Variants in ZFHX3 observed in about 807,000 individuals in gnomAD.
The protein encoded by ZFHX3 is zinc finger homeobox protein 3.
Under a neutral mutation model 279.1 loss-of-function variants are expected in ZFHX3, and 42 were observed. That is an observed-to-expected ratio of 0.15 (90% CI 0.12 to 0.19). ZFHX3 has a LOEUF of 0.19. ZFHX3 is among the 10% of genes least tolerant of loss of function. ZFHX3 has a pLI of 1.00. For missense variants in ZFHX3, 4,981 were observed against 4,754.0 expected (o/e 1.05, Z -1.40); for synonymous variants, 2,293 against 1,957.8 (o/e 1.17, Z -4.52).
At chr16:72,846,678 T>C (rs931290262) in intron 4 of ZFHX3, among the ~76,000 whole-genome samples, 4 of 152,256 alleles carry the variant, frequency 2.6e-5, no homozygotes, top group African/African-American at 9.6e-5. Context: ...CTTTAGCTGG[T>C]GGCCCCGGCA....
At chr16:73,592,635 T>C (rs1414115529) in intron 2 of ZFHX3, among the ~76,000 whole-genome samples, 1 of 152,118 alleles carries the variant, frequency 6.6e-6, no homozygotes, top group Non-Finnish European at 1.5e-5. Flanking sequence ...ATGAAACAGA[T>C]TGACCATATG....
chr16:73,176,749 G>A (rs1257018588), intron 5 of ZFHX3, among the ~76,000 whole-genome samples: 1 of 151,854 alleles, frequency 6.6e-6, no homozygotes, highest in Non-Finnish European at 1.5e-5. Flanking sequence ...CTAGACAAGA[G>A]CTAAGAGTGG....
chr16:73,864,993 C>A (rs1961975404), intron 1 of ZFHX3, among the ~76,000 whole-genome samples: 1 of 152,186 alleles, frequency 6.6e-6, no homozygotes, highest in Non-Finnish European at 1.5e-5. Context: ...TCTTAAGGGA[C>A]TTTGCAGCTT....
At chr16:72,924,142 T>C (rs768395027) in intron 3 of ZFHX3, among the ~76,000 whole-genome samples, 2 of 152,180 alleles carry the variant, frequency 1.3e-5, no homozygotes, top group Non-Finnish European at 2.9e-5. Flanking sequence ...TCAGAGTTGG[T>C]TGCAATAGGT....
chr16:73,669,960 G>A (rs534025722), intron 2 of ZFHX3, among the ~76,000 whole-genome samples: 2 of 152,266 alleles, frequency 1.3e-5, no homozygotes, highest in East Asian at 1.9e-4. Context: ...CAAAAAATAT[G>A]ATTGAGGCCA....
intron 4 of ZFHX3, among the ~76,000 whole-genome samples, chr16:73,307,470 C>T (rs960216975): frequency 1.6e-4 from 25 of 152,134 alleles, no homozygotes; most frequent in South Asian, 4.1e-4. Context: ...TTCTCTGAAA[C>T]GGGAAAAACT....
At position 72,788,014 on chromosome 16, in the gene ZFHX3, G is replaced by A. The variant is rs1301347961; in HGVS notation, c.10262C>T (p.Pro3421Leu). Residue 3421 changes from proline (P) to leucine (L), a missense_variant, in exon 10 of 10, where the codon CCA (proline) becomes CTA (leucine). Pro to Leu is a moderately conservative substitution (Grantham distance 98). This residue lies in a region of ZFHX3 where 1,034 missense variants were observed against 786.0 expected (regional missense o/e 1.32). Transcript: ENST00000268489. Reference sequence around the variant, plus strand: ...ACGGGGGGTGTTTTTCTGTTCTTCTGGTTTGGGGGATTCTTTGGCAGGGTC... The same window carrying A: ...ACGGGGGGTGTTTTTCTGTTCTTCTAGTTTGGGGGATTCTTTGGCAGGGTC... ...DKDPAKESPKPEEQKNTPREV... is the reference protein window; with the variant it reads ...DKDPAKESPKLEEQKNTPREV... 4.3e-6 allele frequency: 7 copies of A among 1,613,418 alleles called. No individual in the cohort carries two copies. The African/African-American group carries it at 9.4e-5, about 22-fold the overall frequency.
intron 2 of ZFHX3, among the ~76,000 whole-genome samples, chr16:73,468,012 G>A (rs1005693680): frequency 3.8e-4 from 58 of 152,338 alleles, no homozygotes; most frequent in African/African-American, 1.2e-3. Context: ...ATCTTCAGAA[G>A]TGGAATTTTG....
intron 2 of ZFHX3, among the ~76,000 whole-genome samples, chr16:73,634,433 A>ATTATATATATATAT (rs1197229737): frequency 2.2e-4 from 13 of 59,884 alleles, no homozygotes; most frequent in African/African-American, 5.7e-4. Flanking sequence ...TATTATGTAT[A>ATTATATATATATAT]ATATATATAT....
intron 3 of ZFHX3, among the ~76,000 whole-genome samples, chr16:73,422,592 T>G (rs1567479509): frequency 1.3e-5 from 2 of 152,210 alleles, no homozygotes; most frequent in Non-Finnish European, 2.9e-5. Context: ...GTCAGTGGCC[T>G]CATGACTTCT....
chr16:73,710,205 GA>G (rs1567558093), intron 1 of ZFHX3, among the ~76,000 whole-genome samples: 1 of 152,018 alleles, frequency 6.6e-6, no homozygotes, highest in East Asian at 1.9e-4. Flanking sequence ...AAACAATTAA[GA>G]AATAAAAATT....
chr16:72,940,932 A>G (rs1960381549), intron 3 of ZFHX3, among the ~76,000 whole-genome samples: 1 of 152,252 alleles, frequency 6.6e-6, no homozygotes, highest in Non-Finnish European at 1.5e-5. Flanking sequence ...TACTCTCTGC[A>G]TTCCCTATTA....
chr16:73,362,716 T>C (rs548255195), intron 3 of ZFHX3, among the ~76,000 whole-genome samples: 1 of 152,308 alleles, frequency 6.6e-6, no homozygotes, highest in African/African-American at 2.4e-5. Flanking sequence ...CATGACTGTA[T>C]AGTTATGAAG....
chr16:72,839,268 G>A (rs541645109), intron 4 of ZFHX3, among the ~76,000 whole-genome samples: 29 of 151,928 alleles, frequency 1.9e-4, no homozygotes, highest in African/African-American at 6.0e-4. Context: ...CAAAGGAGGC[G>A]CGCTCTCTGG....
rs560661708 is a variant in ZFHX3 at position 73,433,500 on chromosome 16, C to T, written c.-1291+22503G>A. The stretch of plus-strand genomic sequence containing the variant: ...GACATTTCCTGGGAACAAGGACTAT[C>T]GTTTATAAGTTTTCAAATCCACTTG... On this transcript the variant is annotated intron_variant, in intron 3 of 17. Transcript: ENST00000641206. Among the ~76,000 whole-genome samples the T allele has an allele frequency of 1.6e-4, 25 of 152,146 alleles. 1 individual carries two copies. The highest frequency in any genetic ancestry group is 2.9e-4 in the Non-Finnish European group (20 of 68,032).
At chr16:73,604,865 G>A (rs570066298) in intron 2 of ZFHX3, among the ~76,000 whole-genome samples, 2 of 152,234 alleles carry the variant, frequency 1.3e-5, no homozygotes, top group South Asian at 4.1e-4. Flanking sequence ...TGGTCACGAT[G>A]TCTGGACCTT....
intron 1 of ZFHX3, among the ~76,000 whole-genome samples, chr16:73,710,849 T>C (rs936506909): frequency 2.0e-5 from 3 of 152,136 alleles, no homozygotes; most frequent in Non-Finnish European, 2.9e-5. Context: ...ACTGGTCAAT[T>C]TGGGTTTCCT....
Position 72,796,624 on chromosome 16 carries a change from T to C in ZFHX3, c.6058A>G (p.Lys2020Glu). 6.2e-7 allele frequency: 1 copy of C among 1,614,088 alleles called. No homozygotes were observed. The highest frequency in any genetic ancestry group is 8.5e-7 in the Non-Finnish European group (1 of 1,180,026). Residue 2020 changes from lysine to glutamate, a missense_variant, in exon 9 of 10, where the codon AAA becomes GAA. Transcript: ENST00000268489. ...TTATCGTAGTGGTCTCTGTACTGTTTGGCAAACCTCTCGAGCTGTTTGAAA... is the reference window on the plus strand; with the variant it reads ...TTATCGTAGTGGTCTCTGTACTGTTCGGCAAACCTCTCGAGCTGTTTGAAA... ...FPFKQLERFA[K>E]QYRDHYDKLY...
At chr16:73,837,029 C>G (rs913493113) in intron 1 of ZFHX3, among the ~76,000 whole-genome samples, 1 of 152,180 alleles carries the variant, frequency 6.6e-6, no homozygotes, top group Non-Finnish European at 1.5e-5. Context: ...TTCCCAGTCT[C>G]CAGAATCATG....
Sources: gnomAD v4.1 joint callset for allele counts (sites outside exome capture counted in the v4.1 genomes callset) on GRCh38, gnomAD v4.1.1 for gene constraint, gnomAD v4.1.1 regional missense constraint, MANE v1.5 for transcripts, NCBI Gene and HGNC (gene_info 2026-07-23, HGNC 2026-07-21) for gene names.